IL23R: variants seen among roughly 807,000 people sequenced by gnomAD.
IL23R encodes the protein interleukin 23 receptor.
A neutral mutation model predicts 56.9 loss-of-function variants in IL23R; 34 were observed. The ratio of observed to expected loss-of-function variants is 0.60; its 90% CI spans 0.45 to 0.80. The LOEUF (loss-of-function observed/expected upper bound fraction) is 0.80. Ranked by LOEUF, IL23R falls within the 30% of genes least tolerant of loss-of-function variation. The probability of loss-of-function intolerance (pLI) is 0.00; values close to 1 mark genes in which losing one functional copy is unlikely to be tolerated. For missense variants in IL23R, 635 were observed against 730.0 expected, an observed-to-expected ratio of 0.87 and a Z score of 1.50; for synonymous variants, 230 against 249.2, an observed-to-expected ratio of 0.92 and a Z score of 0.73.
At position 67,236,694 on chromosome 1, in the gene IL23R, T is replaced by C. The variant is rs1003556658; in HGVS notation, c.956-19T>C. 2 of 1,544,390 alleles carry C rather than the reference T, an allele frequency of 1.3e-6. No individual in the cohort carries two copies. The highest frequency in any genetic ancestry group is 1.7e-4 in the Middle Eastern group (1 of 5,906). On this transcript the variant is annotated intron_variant, in intron 7 of 10. Transcript: ENST00000347310. ...AGTGCAAAATGTAAGAAACTGACAC[T>C]CTTTCCTTTTGGTTTAAGTTCCCCA...
At chr1:67,139,849 C>T (rs1032294978) in intron 1 of IL23R, among the ~76,000 whole-genome samples, 8 of 152,024 alleles carry the variant, frequency 5.3e-5, no homozygotes, top group Non-Finnish European at 7.4e-5. Context: ...CTTGGTGGGG[C>T]CTTTAAAAGG....
chr1:67,234,618 A>G (rs1470412709), intron 7 of IL23R, among the ~76,000 whole-genome samples: 2 of 152,248 alleles, frequency 1.3e-5, no homozygotes, highest in Non-Finnish European at 2.9e-5. Flanking sequence ...AATAAAAGTG[A>G]AAACAAAAAT....
At chr1:67,180,760 G>GT in intron 3 of IL23R, among the ~76,000 whole-genome samples, 1 of 152,316 alleles carries the variant, frequency 6.6e-6, no homozygotes, top group South Asian at 2.1e-4. Context: ...GCTGGTACTG[G>GT]TTTTTCCTTT....
intron 4 of IL23R, among the ~76,000 whole-genome samples, chr1:67,185,790 A>G (rs1053259628): frequency 6.6e-6 from 1 of 152,258 alleles, no homozygotes; most frequent in African/African-American, 2.4e-5. Context: ...GGAGTTAAAC[A>G]GAGGCATATT....
At position 67,259,071 on chromosome 1, in the gene IL23R, T is replaced by G; in HGVS notation, c.1833T>G (p.Tyr611Ter). The G allele has an allele frequency of 6.2e-7, 1 of 1,613,972 alleles. No individual in the cohort carries two copies. Among genetic ancestry groups the G allele is most frequent in the Non-Finnish European group, 8.5e-7 (1 of 1,179,952 alleles). The change falls in exon 11 of 11, where the codon TAT (tyrosine) becomes TAG (stop). Residue 611 changes from tyrosine (Y) to a stop codon, truncating the protein, a stop_gained. Coordinates refer to ENST00000347310, the MANE Select transcript of IL23R (RefSeq NM_144701.3). LOFTEE classifies it high-confidence loss of function. ...VNEELPSINTYFPQNILESHF... is the reference protein window; with the variant it reads ...VNEELPSINT ...AGGAGTTGCCATCTATTAATACTTA[T>G]TTTCCACAAAATATTTTGGAAAGCC...
chr1:67,221,589 A>C (rs1300318759), intron 7 of IL23R, among the ~76,000 whole-genome samples: 1 of 152,204 alleles, frequency 6.6e-6, no homozygotes, highest in African/African-American at 2.4e-5. Context: ...AATAAAATGA[A>C]TCTATTGTAA....
At chr1:67,238,839 A>G (rs897796621) in intron 8 of IL23R, among the ~76,000 whole-genome samples, 1 of 152,120 alleles carries the variant, frequency 6.6e-6, no homozygotes, top group Non-Finnish European at 1.5e-5. Context: ...CCCTGGGAAA[A>G]CATTAATTTC....
chr1:67,258,734 G>A lies in IL23R; in HGVS notation c.1496G>A (p.Ser499Asn), dbSNP rs1336720183. 3 of 1,613,368 alleles carry A rather than the reference G, an allele frequency of 1.9e-6. No homozygotes were observed. The highest frequency in any genetic ancestry group is 2.7e-5 in the African/African-American group (2 of 74,870). The change falls in exon 11 of 11, where the codon AGC (serine) becomes AAC (asparagine). Residue 499 changes from serine to asparagine, a missense_variant. Coordinates refer to ENST00000347310, the MANE Select transcript of IL23R (RefSeq NM_144701.3). ...TTTCTGCCTGAGGGAAGCCATCTCA[G>A]CAATAATAATGAAATTACTTCCTTA... is the stretch of plus-strand genomic sequence containing the variant. ...SNFLPEGSHL[S>N]NNNEITSLTL...
At chr1:67,179,551 A>AT (rs879187697) in intron 3 of IL23R, among the ~76,000 whole-genome samples, 1 of 150,092 alleles carries the variant, frequency 6.7e-6, no homozygotes, top group Admixed American at 6.6e-5. Context: ...AATTTTGTTG[A>AT]TTTTTTCAAA....
intron 10 of IL23R, among the ~76,000 whole-genome samples, chr1:67,257,540 T>C (rs556010557): frequency 6.6e-6 from 1 of 152,266 alleles, no homozygotes; most frequent in Admixed American, 6.5e-5. Context: ...CAGGGGGCTA[T>C]AATATTATAA....
chr1:67,210,679 C>T (rs1221336130), intron 6 of IL23R, among the ~76,000 whole-genome samples: 7 of 151,872 alleles, frequency 4.6e-5, no homozygotes, highest in Admixed American at 2.0e-4. Context: ...TTGCCCAGGC[C>T]GGTCTTGAAC....
At chr1:67,211,792 C>G (rs1649494616) in intron 6 of IL23R, among the ~76,000 whole-genome samples, 1 of 152,266 alleles carries the variant, frequency 6.6e-6, no homozygotes, top group East Asian at 1.9e-4. Context: ...CTCTGCTCCC[C>G]CTGGTGGTGC....
At chr1:67,197,882 G>A (rs1180086253) in intron 4 of IL23R, among the ~76,000 whole-genome samples, 1 of 151,922 alleles carries the variant, frequency 6.6e-6, no homozygotes, top group Non-Finnish European at 1.5e-5. Flanking sequence ...ACTGCAGTGA[G>A]CTGTGGCCAT....
chr1:67,195,993 A>G (rs888319933), intron 4 of IL23R: 1 of 152,296 alleles, frequency 6.6e-6, no homozygotes, highest in African/African-American at 2.4e-5. Context: ...GGAGTTGCTG[A>G]AAAGATATAT....
At chr1:67,263,828 C>T (rs1430448625), downstream of IL23R, among the ~76,000 whole-genome samples, 4 of 150,692 alleles carry the variant, frequency 2.7e-5, no homozygotes, top group African/African-American at 9.8e-5. Flanking sequence ...TGTGCCACTG[C>T]ACTCCAGCCT....
chr1:67,151,345 A>G (rs1432767555), intron 1 of IL23R, among the ~76,000 whole-genome samples: 5 of 152,194 alleles, frequency 3.3e-5, no homozygotes, highest in Non-Finnish European at 7.3e-5. Flanking sequence ...GATTCTGGAT[A>G]TTAGACCTTT....
downstream of IL23R, among the ~76,000 whole-genome samples, chr1:67,261,408 T>C (rs1366362711): frequency 7.0e-6 from 1 of 141,916 alleles, no homozygotes; most frequent in Non-Finnish European, 1.5e-5. Context: ...TTACTATTCA[T>C]ACTGTAAAAA....
chr1:67,177,394 C>T (rs1647025219), intron 3 of IL23R, among the ~76,000 whole-genome samples: 1 of 152,106 alleles, frequency 6.6e-6, no homozygotes, highest in Non-Finnish European at 1.5e-5. Flanking sequence ...TTTCATGTGT[C>T]TGTTGGCTGC....
At chr1:67,188,175 C>T (rs562344088) in intron 4 of IL23R, among the ~76,000 whole-genome samples, 12 of 152,192 alleles carry the variant, frequency 7.9e-5, no homozygotes, top group African/African-American at 2.6e-4. Flanking sequence ...TCAGTAATAC[C>T]CCAGGGATCT....
Sources: gnomAD v4.1 joint callset for allele counts (sites outside exome capture counted in the v4.1 genomes callset) on GRCh38, gnomAD v4.1.1 for gene constraint, MANE v1.5 for transcripts, NCBI Gene and HGNC (gene_info 2026-07-23, HGNC 2026-07-21) for gene names.